Variants in ASMTL observed in about 807,000 individuals in gnomAD.
ASMTL encodes acetylserotonin O-methyltransferase like, also known as probable bifunctional dTTP/UTP pyrophosphatase/methyltransferase protein.
A neutral mutation model predicts 60.3 loss-of-function variants in ASMTL; 57 were observed. That is an observed-to-expected ratio of 0.95 (90% CI 0.76 to 1.18). The LOEUF (loss-of-function observed/expected upper bound fraction) is 1.18. ASMTL is among the 50% of genes most tolerant of loss of function. The pLI is 0.00. For missense variants in ASMTL, 981 were observed against 852.6 expected (o/e 1.15, Z -1.88); for synonymous variants, 419 against 373.0 (o/e 1.12, Z -1.42).
chrX:1,452,729 G>A lies in ASMTL; in HGVS notation c.93+19C>T, dbSNP rs1231989403. On this transcript the variant is annotated intron_variant, in intron 1 of 12. Transcript: ENST00000381317. ...CCCTCCGTCCCCGGTCCCCTGCCCC[G>A]CCCAGGCCCAGGCCGTACCGCGTTG... The A allele has an allele frequency of 2.6e-6, 4 of 1,559,552 alleles. No homozygotes were observed. The highest frequency in any genetic ancestry group is 4.7e-5 in the East Asian group (2 of 42,282).
At chrX:1,433,663 A>C (rs768835124) in intron 5 of ASMTL, among the ~76,000 whole-genome samples, 1 of 151,488 alleles carries the variant, frequency 6.6e-6, no homozygotes, top group Non-Finnish European at 1.5e-5. Flanking sequence ...CTGGGCGATA[A>C]AGCGAGACTC....
Position 1,439,156 on chromosome X carries a change from C to T in ASMTL, c.226-12G>A, listed in dbSNP as rs1266767396. On this transcript the variant is annotated splice_polypyrimidine_tract_variant and intron_variant, in intron 2 of 12. Coordinates refer to ENST00000381317, the MANE Select transcript of ASMTL (RefSeq NM_004192.4). Reference sequence around the variant, plus strand: ...GCCCGCAGGTCTTTCTGTAAGAAAACCAGATTCCGGTTTACCGGTGACGTG... The same window carrying T: ...GCCCGCAGGTCTTTCTGTAAGAAAATCAGATTCCGGTTTACCGGTGACGTG... 6.8e-6 allele frequency: 11 copies of T among 1,613,840 alleles called. 1 individual carries two copies. In the Admixed American group the frequency reaches 1.5e-4, roughly 22 times the overall value.
intron 10 of ASMTL, 56 bp from the exon 11 acceptor site, chrX:1,418,172 C>T (rs2090369054): frequency 6.6e-7 from 1 of 1,520,424 alleles, no homozygotes; most frequent in Non-Finnish European, 8.9e-7. Context: ...ACTCTGACGA[C>T]TCTCCAAAGC....
chrX:1,405,882 AGATG>A (rs746123608), intron 12 of ASMTL, among the ~76,000 whole-genome samples: 6 of 144,496 alleles, frequency 4.2e-5, no homozygotes, highest in African/African-American at 7.7e-5. Context: ...TGCATGGATG[AGATG>A]GATGGGTGAA....
intron 6 of ASMTL, among the ~76,000 whole-genome samples, chrX:1,430,491 C>T (rs1233963094): frequency 1.3e-5 from 2 of 151,828 alleles, no homozygotes; most frequent in Admixed American, 6.6e-5. Flanking sequence ...TAAAATCGGC[C>T]GCGTGTGTTG....
chrX:1,420,695 A>G (rs1171165976), intron 9 of ASMTL, among the ~76,000 whole-genome samples: 2 of 152,248 alleles, frequency 1.3e-5, no homozygotes, highest in African/African-American at 4.8e-5. Flanking sequence ...GAGAGGATGC[A>G]GGGAGCGCTT....
At chrX:1,421,599 A>C (rs1192135582) in intron 9 of ASMTL, 59 bp downstream of exon 9, 2 of 1,584,240 alleles carry the variant, frequency 1.3e-6, no homozygotes, top group East Asian at 2.2e-5. Flanking sequence ...TCTGTGTGTC[A>C]AAGTGTTTTA....
At chrX:1,435,312 C>A in intron 4 of ASMTL, 1 of 627,908 alleles carries the variant, frequency 1.6e-6, no homozygotes, top group Non-Finnish European at 2.9e-6. Context: ...AGGCGCCAGG[C>A]CAGGCAGCTC....
chrX:1,412,101 G>C (rs1180703456), intron 12 of ASMTL, among the ~76,000 whole-genome samples: 2 of 152,090 alleles, frequency 1.3e-5, no homozygotes, highest in Non-Finnish European at 2.9e-5. Context: ...ACAGGCGTGA[G>C]CCACCACACC....
At chrX:1,418,678 G>T (rs1179392739) in intron 10 of ASMTL, among the ~76,000 whole-genome samples, 3 of 152,236 alleles carry the variant, frequency 2.0e-5, no homozygotes, top group Non-Finnish European at 4.4e-5. Flanking sequence ...CTGGGGTGGG[G>T]TGGAGGGTGA....
At position 1,439,019 on chromosome X, in the gene ASMTL, C is replaced by T. The variant is rs562515705; in HGVS notation, c.273+78G>A. 6.6e-5 allele frequency: 96 copies of T among 1,464,032 alleles called. No homozygotes were observed. The African/African-American group carries it at 1.2e-3, about 18-fold the overall frequency. 90.7% of individuals were successfully genotyped at this position (1,464,032 alleles called of 1,614,324 possible). A position where few individuals can be genotyped will look rare whatever the true frequency, so the allele number is the denominator to read the frequency against. ...CTGCTGTCTTAAGGGGAATGTACAA[C>T]ATCCACAAGAGGCAGAATCACCAAG... On this transcript the variant is annotated intron_variant, in intron 3 of 12. Transcript: ENST00000381317.
intron 10 of ASMTL, among the ~76,000 whole-genome samples, chrX:1,418,358 TCTC>T (rs201714459): frequency 0.022 from 3,390 of 151,516 alleles, 121 homozygotes; most frequent in African/African-American, 0.078. Flanking sequence ...TGTACTCCCT[TCTC>T]CTTCCTGCCG....
chrX:1,419,421 C>T (rs6588861), intron 9 of ASMTL, among the ~76,000 whole-genome samples: 113,504 of 152,004 alleles, frequency 0.75, 43,549 homozygotes, highest in East Asian at 0.89. Context: ...AGCTTTTCAC[C>T]CTGGAGGCTC....
chrX:1,431,103 AATT>A (rs1382193153), intron 6 of ASMTL, among the ~76,000 whole-genome samples: 1 of 125,942 alleles, frequency 7.9e-6, no homozygotes, highest in African/African-American at 3.1e-5. Flanking sequence ...ATAAATATAT[AATT>A]ATATTTTATA....
At chrX:1,447,146 A>G (rs1411419144) in intron 1 of ASMTL, among the ~76,000 whole-genome samples, 10 of 152,172 alleles carry the variant, frequency 6.6e-5, no homozygotes, top group Non-Finnish European at 2.9e-5. Context: ...CTTCCCCTCC[A>G]GGGCTGTGTT....
Position 1,452,750 on chromosome X carries a change from C to G in ASMTL, c.91G>C (p.Ala31Pro). ...SPRRQEILSN[A>P]GLRFEVVPSK... ...CCCCGCCCAGGCCCAGGCCGTACCG[C>G]GTTGCTGAGGATCTCCTGACGGCGT... The change falls in exon 1 of 13, where the codon GCG becomes CCG. Residue 31 changes from alanine to proline, a missense_variant and splice_region_variant. Physicochemically the swap from Ala to Pro is conservative, Grantham distance 27. Coordinates refer to ENST00000381317, the MANE Select transcript of ASMTL (RefSeq NM_004192.4). 4 of 1,590,742 alleles carry G rather than the reference C, an allele frequency of 2.5e-6. No homozygotes were observed. Among genetic ancestry groups the G allele is most frequent in the Non-Finnish European group, 3.4e-6 (4 of 1,174,858 alleles).
At chrX:1,439,883 A>G (rs2091065242) in intron 2 of ASMTL, among the ~76,000 whole-genome samples, 1 of 151,590 alleles carries the variant, frequency 6.6e-6, no homozygotes, top group African/African-American at 2.4e-5. Context: ...GAAAAAGAAA[A>G]AGGTACTTAG....
intron 6 of ASMTL, among the ~76,000 whole-genome samples, chrX:1,428,854 G>A (rs2090692018): frequency 6.8e-6 from 1 of 146,744 alleles, no homozygotes; most frequent in African/African-American, 2.5e-5. Context: ...GTCACAGGCT[G>A]TAAAGAGCCT....
intron 11 of ASMTL, among the ~76,000 whole-genome samples, chrX:1,415,836 G>A (rs1270603276): frequency 2.6e-5 from 4 of 152,088 alleles, no homozygotes; most frequent in Non-Finnish European, 4.4e-5. Context: ...GCAGACCCAC[G>A]GACGCACAGA....
Sources: gnomAD v4.1 joint callset for allele counts (sites outside exome capture counted in the v4.1 genomes callset) on GRCh38, gnomAD v4.1.1 for gene constraint, MANE v1.5 for transcripts, NCBI Gene and HGNC (gene_info 2026-07-23, HGNC 2026-07-21) for gene names.